UQCC1: variants seen among roughly 807,000 people sequenced by gnomAD.
UQCC1 encodes the protein ubiquinol-cytochrome c reductase complex assembly factor 1.
UQCC1 carries 38 observed loss-of-function variants against 48.0 expected under a neutral mutation model. That is an observed-to-expected ratio of 0.79 (90% CI 0.61 to 1.04). The LOEUF is 1.04. Among genes scored for constraint, UQCC1 ranks in the 50% least tolerant of loss-of-function variants. UQCC1 has a pLI of 0.00. For synonymous variants in UQCC1, 111 were observed against 129.2 expected (o/e 0.86, Z 0.95); for missense variants, 368 against 381.8 (o/e 0.96, Z 0.30).
intron 9 of UQCC1, among the ~76,000 whole-genome samples, chr20:35,305,898 G>A (rs1032836505): frequency 6.6e-6 from 1 of 152,220 alleles, no homozygotes; most frequent in African/African-American, 2.4e-5. Context: ...GTGGTCACAT[G>A]AATCACACAG....
chr20:35,410,580 C>T lies in UQCC1; in HGVS notation c.24+1360G>A, dbSNP rs1195888393. On this transcript the variant is annotated intron_variant, in intron 1 of 9. Coordinates refer to ENST00000374385, the MANE Select transcript of UQCC1 (RefSeq NM_018244.5). Reference sequence around the variant, plus strand: ...TAGTCAGGTGTGGTGTGGTGCATGCCTGTCATCCCAGCTACTCGGGAGGCT... The same window carrying T: ...TAGTCAGGTGTGGTGTGGTGCATGCTTGTCATCCCAGCTACTCGGGAGGCT... Among the ~76,000 whole-genome samples, 5 of 149,118 alleles carry T rather than the reference C, an allele frequency of 3.4e-5. No individual in the cohort carries two copies. The East Asian group carries it at 5.9e-4, about 17-fold the overall frequency.
intron 7 of UQCC1, among the ~76,000 whole-genome samples, chr20:35,318,728 C>T (rs55865073): frequency 0.014 from 2,149 of 152,282 alleles, 27 homozygotes; most frequent in South Asian, 0.054. Flanking sequence ...AGTACAGACA[C>T]GTGATCTGCA....
At chr20:35,310,153 G>C (rs573115293) in intron 8 of UQCC1, among the ~76,000 whole-genome samples, 4 of 152,268 alleles carry the variant, frequency 2.6e-5, no homozygotes, top group Admixed American at 6.5e-5. Flanking sequence ...TCAATTAGAA[G>C]GTAAGCTCTA....
intron 5 of UQCC1, among the ~76,000 whole-genome samples, chr20:35,370,322 C>T (rs943333508): frequency 1.3e-5 from 2 of 151,200 alleles, no homozygotes. Flanking sequence ...GCTGGGATTA[C>T]ACGTGTGAGC....
intron 1 of UQCC1, among the ~76,000 whole-genome samples, chr20:35,397,925 T>A (rs1259756853): frequency 6.6e-6 from 1 of 152,256 alleles, no homozygotes; most frequent in Non-Finnish European, 1.5e-5. Context: ...GAACACTTAA[T>A]GAGCATTTGA....
chr20:35,372,107 C>T (rs1289896806), intron 5 of UQCC1, among the ~76,000 whole-genome samples: 7 of 151,614 alleles, frequency 4.6e-5, no homozygotes, highest in African/African-American at 1.5e-4. Flanking sequence ...GTCAGGAGTT[C>T]GAGACCAGCC....
rs145469232 is a variant in UQCC1 at position 35,385,119 on chromosome 20, T to C, written c.130-986A>G. On this transcript the variant is annotated intron_variant, in intron 2 of 9. Transcript: ENST00000374385. ...GGAAAAAAATAAAGACACCAGCCACTTTTAGGTTTAAAACCTGCTTCTGTC... is the reference window on the plus strand; with the variant it reads ...GGAAAAAAATAAAGACACCAGCCACCTTTAGGTTTAAAACCTGCTTCTGTC... Among the ~76,000 whole-genome samples, 1,010 of 152,252 alleles carry C rather than the reference T, an allele frequency of 6.6e-3. 14 individuals carry two copies. Among genetic ancestry groups the C allele is most frequent in the African/African-American group, 0.023 (965 of 41,540 alleles).
intron 1 of UQCC1, among the ~76,000 whole-genome samples, chr20:35,408,726 A>G (rs557567616): frequency 1.3e-5 from 2 of 152,064 alleles, no homozygotes; most frequent in East Asian, 3.9e-4. Context: ...GTGGTGGCAC[A>G]TGCCTGTGGT....
chr20:35,330,053 C>T (rs1434079817), intron 7 of UQCC1, among the ~76,000 whole-genome samples: 2 of 152,198 alleles, frequency 1.3e-5, no homozygotes, highest in East Asian at 1.9e-4. Flanking sequence ...CTCACTCATT[C>T]ACCATTCAAC....
At chr20:35,405,525 C>T (rs1452124981) in intron 1 of UQCC1, among the ~76,000 whole-genome samples, 3 of 152,188 alleles carry the variant, frequency 2.0e-5, no homozygotes, top group Non-Finnish European at 4.4e-5. Flanking sequence ...AAAACCCAGG[C>T]AGCAGACAAA....
intron 7 of UQCC1, among the ~76,000 whole-genome samples, chr20:35,318,994 T>C (rs1264872622): frequency 6.6e-6 from 1 of 152,186 alleles, no homozygotes; most frequent in African/African-American, 2.4e-5. Context: ...TCCTCCCAGA[T>C]AGTGTTGGGC....
chr20:35,407,842 G>A (rs961475429), intron 1 of UQCC1, among the ~76,000 whole-genome samples: 2 of 152,166 alleles, frequency 1.3e-5, no homozygotes, highest in African/African-American at 4.8e-5. Context: ...GACCAACATG[G>A]GGAAACCCCA....
intron 7 of UQCC1, among the ~76,000 whole-genome samples, chr20:35,341,816 T>C (rs1203585346): frequency 1.3e-5 from 2 of 152,086 alleles, no homozygotes; most frequent in African/African-American, 2.4e-5. Flanking sequence ...TAGCAAGGAA[T>C]TCAGCTTGGC....
chr20:35,333,331 C>T (rs778460313), intron 7 of UQCC1, among the ~76,000 whole-genome samples: 14 of 152,036 alleles, frequency 9.2e-5, no homozygotes, highest in Admixed American at 2.0e-4. Context: ...TAGTATGCAC[C>T]GCAACCAAAA....
chr20:35,403,111 T>G (rs181180609), intron 1 of UQCC1, among the ~76,000 whole-genome samples: 1 of 152,170 alleles, frequency 6.6e-6, no homozygotes, highest in African/African-American at 2.4e-5. Flanking sequence ...TCCTCCCACT[T>G]TTTTGGGAGT....
At chr20:35,375,308 G>C (rs1351749563) in intron 4 of UQCC1, among the ~76,000 whole-genome samples, 2 of 152,038 alleles carry the variant, frequency 1.3e-5, no homozygotes, top group Non-Finnish European at 2.9e-5. Flanking sequence ...AAATTCTCTA[G>C]AGTTAAAGCA....
At chr20:35,368,358 T>C (rs569418042) in intron 5 of UQCC1, among the ~76,000 whole-genome samples, 4 of 152,290 alleles carry the variant, frequency 2.6e-5, no homozygotes, top group Non-Finnish European at 5.9e-5. Flanking sequence ...AACCCTGAGG[T>C]AGGCATTGAT....
At chr20:35,363,067 A>G (rs148563100) in intron 6 of UQCC1, among the ~76,000 whole-genome samples, 12 of 152,148 alleles carry the variant, frequency 7.9e-5, no homozygotes, top group African/African-American at 2.9e-4. Flanking sequence ...GAAACAAAAG[A>G]AAATATCAGA....
chr20:35,395,471 T>A (rs1229619818), intron 1 of UQCC1, among the ~76,000 whole-genome samples: 1 of 148,766 alleles, frequency 6.7e-6, no homozygotes, highest in African/African-American at 2.5e-5. Flanking sequence ...AAAAAACCCA[T>A]AAACTCATGT....
Sources: allele counts gnomAD v4.1 joint callset (sites outside exome capture counted in the v4.1 genomes callset), GRCh38; gene constraint gnomAD v4.1.1; transcripts MANE v1.5; gene names NCBI Gene and HGNC (gene_info 2026-07-23, HGNC 2026-07-21).